Variants in GHR observed in about 807,000 individuals in gnomAD.
GHR encodes the protein growth hormone receptor.
GHR carries 35 observed loss-of-function variants against 67.1 expected under a neutral mutation model. The observed-to-expected ratio is 0.52, with a 90% CI of 0.40 to 0.69. The LOEUF (loss-of-function observed/expected upper bound fraction) is 0.69, where lower values mean the gene tolerates loss of function less well. Among genes scored for constraint, GHR ranks in the 30% least tolerant of loss-of-function variants. The pLI is 0.00. For missense variants in GHR, 792 were observed against 764.6 expected (o/e 1.04, Z -0.42); for synonymous variants, 272 against 269.1 (o/e 1.01, Z -0.10).
intron 2 of GHR, among the ~76,000 whole-genome samples, chr5:42,624,646 C>CTTTA (rs10640419): frequency 0.35 from 52,630 of 151,884 alleles, 10,475 homozygotes; most frequent in African/African-American, 0.56. Flanking sequence ...TTTCCTTTCA[C>CTTTA]TTTGTTATTA....
At chr5:42,659,971 C>T (rs1409374443) in intron 3 of GHR, among the ~76,000 whole-genome samples, 5 of 152,026 alleles carry the variant, frequency 3.3e-5, no homozygotes, top group South Asian at 4.2e-4. Flanking sequence ...GCACCTGGCT[C>T]GGAGGGTCCT....
chr5:42,715,097 T>G, intron 8 of GHR: 1 of 368,514 alleles, frequency 2.7e-6, no homozygotes, highest in Non-Finnish European at 5.4e-6. Flanking sequence ...AATGAAATGC[T>G]TAACTATAAT....
At chr5:42,458,160 G>C (rs1050180375) in intron 1 of GHR, among the ~76,000 whole-genome samples, 1 of 152,072 alleles carries the variant, frequency 6.6e-6, no homozygotes, top group Non-Finnish European at 1.5e-5. Context: ...AGATTGATTG[G>C]ACAATGAGAA....
intron 8 of GHR, chr5:42,715,014 G>GA: frequency 5.5e-6 from 2 of 364,346 alleles, no homozygotes; most frequent in South Asian, 2.1e-5. Flanking sequence ...ATATTAGGAA[G>GA]AAAAAATTAT....
At chr5:42,629,450 T>C (rs1262249828) in intron 3 of GHR, among the ~76,000 whole-genome samples, 7 of 130,564 alleles carry the variant, frequency 5.4e-5, no homozygotes, top group Non-Finnish European at 1.1e-4. Context: ...TGTTTAAAAG[T>C]GTGTGGCACC....
At chr5:42,480,672 G>C (rs1187608057) in intron 1 of GHR, among the ~76,000 whole-genome samples, 3 of 152,104 alleles carry the variant, frequency 2.0e-5, no homozygotes, top group Non-Finnish European at 4.4e-5. Flanking sequence ...GATCTTTGTT[G>C]GTTTAAAGTC....
At chr5:42,593,984 G>A (rs1051954686) in intron 2 of GHR, among the ~76,000 whole-genome samples, 1 of 152,136 alleles carries the variant, frequency 6.6e-6, no homozygotes, top group African/African-American at 2.4e-5. Context: ...GCCATCCTTA[G>A]AATATTAAAA....
intron 3 of GHR, among the ~76,000 whole-genome samples, chr5:42,640,168 A>G (rs1561189216): frequency 6.6e-6 from 1 of 152,172 alleles, no homozygotes; most frequent in Non-Finnish European, 1.5e-5. Context: ...ATTTATTCTT[A>G]TCAGTGGTTG....
intron 1 of GHR, among the ~76,000 whole-genome samples, chr5:42,487,601 A>T (rs1338176381): frequency 2.0e-5 from 3 of 151,876 alleles, no homozygotes; most frequent in African/African-American, 7.3e-5. Context: ...GCCATGTCAG[A>T]TTCCTAGATG....
At chr5:42,594,769 TTTTG>T (rs1751979208) in intron 2 of GHR, among the ~76,000 whole-genome samples, 1 of 152,156 alleles carries the variant, frequency 6.6e-6, no homozygotes, top group African/African-American at 2.4e-5. Flanking sequence ...TCCAAAGAGC[TTTTG>T]TTTATGTGAG....
intron 1 of GHR, among the ~76,000 whole-genome samples, chr5:42,542,656 T>C (rs1372914527): frequency 6.6e-6 from 1 of 152,200 alleles, no homozygotes; most frequent in African/African-American, 2.4e-5. Flanking sequence ...CCAATCATTT[T>C]TGGGGTACAA....
At chr5:42,520,781 C>T (rs1482067188) in intron 1 of GHR, among the ~76,000 whole-genome samples, 1 of 152,096 alleles carries the variant, frequency 6.6e-6, no homozygotes, top group African/African-American at 2.4e-5. Flanking sequence ...TCCTCCTAGT[C>T]CCTGTCCCCT....
intron 1 of GHR, among the ~76,000 whole-genome samples, chr5:42,502,018 C>T (rs955186283): frequency 6.6e-6 from 1 of 152,174 alleles, no homozygotes; most frequent in African/African-American, 2.4e-5. Context: ...CTTTACAGTA[C>T]ACATCCAGAC....
intron 1 of GHR, among the ~76,000 whole-genome samples, chr5:42,470,614 C>T (rs1365669165): frequency 2.6e-5 from 4 of 152,114 alleles, no homozygotes; most frequent in Non-Finnish European, 5.9e-5. Context: ...CACTAATCAC[C>T]ACAAGATCCT....
intron 3 of GHR, among the ~76,000 whole-genome samples, chr5:42,670,805 T>A (rs1487037708): frequency 6.8e-6 from 1 of 148,110 alleles, no homozygotes; most frequent in Non-Finnish European, 1.5e-5. Flanking sequence ...CTGCACAAGG[T>A]GCACATGTAC....
intron 1 of GHR, among the ~76,000 whole-genome samples, chr5:42,472,117 T>C (rs1745036437): frequency 6.6e-6 from 1 of 152,200 alleles, no homozygotes; most frequent in Non-Finnish European, 1.5e-5. Flanking sequence ...AGCTTGTTGA[T>C]GTTGAGTTGA....
At chr5:42,427,133 A>T (rs902477671) in intron 1 of GHR, among the ~76,000 whole-genome samples, 1 of 152,202 alleles carries the variant, frequency 6.6e-6, no homozygotes, top group Non-Finnish European at 1.5e-5. Context: ...GCAGTTTTTC[A>T]TCCACTATAG....
At chr5:42,462,946 A>C (rs972477603) in intron 1 of GHR, among the ~76,000 whole-genome samples, 4 of 152,174 alleles carry the variant, frequency 2.6e-5, no homozygotes, top group African/African-American at 4.8e-5. Context: ...ATAAAAAAAA[A>C]CAGAAAATAA....
chr5:42,473,873 CAAAAAA>C (rs532325898), intron 1 of GHR, among the ~76,000 whole-genome samples: 1 of 83,142 alleles, frequency 1.2e-5, no homozygotes, highest in Non-Finnish European at 2.5e-5. Flanking sequence ...GACTTTGTCT[CAAAAAA>C]AAAAAAAAAA....
Sources: allele counts gnomAD v4.1 joint callset (sites outside exome capture counted in the v4.1 genomes callset), GRCh38; gene constraint gnomAD v4.1.1; transcripts MANE v1.5; gene names NCBI Gene and HGNC (gene_info 2026-07-23, HGNC 2026-07-21).